The following PDS5A variants were observed in gnomAD, a reference collection of about 807,000 sequenced individuals.
The protein encoded by PDS5A is sister chromatid cohesion protein PDS5 homolog A.
In PDS5A, 42 loss-of-function variants were observed where a neutral mutation model predicts 167.1. The ratio of observed to expected loss-of-function variants is 0.25; its 90% confidence interval spans 0.20 to 0.33. The LOEUF is 0.33. Ranked by LOEUF, PDS5A falls within the 10% of genes least tolerant of loss-of-function variation. PDS5A has a pLI of 1.00. For missense variants in PDS5A, 1,033 were observed against 1,605.9 expected (o/e 0.64, Z 6.10); for synonymous variants, 553 against 554.6 (o/e 1.00, Z 0.04).
chr4:39,886,099 T>C (rs1176431125), intron 17 of PDS5A, among the ~76,000 whole-genome samples: 1 of 152,260 alleles, frequency 6.6e-6, no homozygotes, highest in Non-Finnish European at 1.5e-5. Context: ...TTGTATGTTC[T>C]TGACACCTCT....
chr4:39,939,478 T>C (rs1727012107), intron 2 of PDS5A, among the ~76,000 whole-genome samples: 1 of 87,882 alleles, frequency 1.1e-5, no homozygotes, highest in African/African-American at 3.2e-5. Flanking sequence ...AAACCTAAAA[T>C]GAAAAAAAAA....
Position 39,873,115 on chromosome 4 carries a change from C to T in PDS5A, c.2307G>A (p.Val769=), listed in dbSNP as rs773921880. The T allele has an allele frequency of 6.6e-7, 1 of 1,517,640 alleles. No homozygotes were observed. Among genetic ancestry groups the T allele is most frequent in the African/African-American group, 1.4e-5 (1 of 73,872 alleles). 94.0% of individuals were successfully genotyped at this position (1,517,640 alleles called of 1,614,324 possible). The change falls in exon 21 of 33, where the codon GTG becomes GTA. Residue 769 remains valine (V), a synonymous_variant. Coordinates refer to ENST00000303538, the MANE Select transcript of PDS5A (RefSeq NM_001100399.2). ...CTAATGGAGTTATAAGTTGTTCTGG[C>T]ACATCAGCATTCAGACTCCTACTGA... ...EPLSRSLNAD[V]PEQLITPLVS...
At chr4:39,829,854 G>A (rs1715669238) in intron 32 of PDS5A, among the ~76,000 whole-genome samples, 1 of 142,372 alleles carries the variant, frequency 7.0e-6, no homozygotes, top group Admixed American at 7.4e-5. Context: ...AGAAGGCTGA[G>A]GCAGGAGAAT....
intron 26 of PDS5A, among the ~76,000 whole-genome samples, chr4:39,855,964 T>C (rs887411914): frequency 6.6e-6 from 1 of 152,118 alleles, no homozygotes; most frequent in Admixed American, 6.5e-5. Flanking sequence ...AAGATGTGAA[T>C]TTATACATCC....
chr4:39,894,068 A>C (rs1399118501), intron 16 of PDS5A, among the ~76,000 whole-genome samples: 2 of 152,240 alleles, frequency 1.3e-5, no homozygotes, highest in Non-Finnish European at 2.9e-5. Flanking sequence ...ATGCCAAAGA[A>C]GTCAATGAAA....
At chr4:39,863,227 T>C (rs1719147586) in intron 24 of PDS5A, 109 bp downstream of exon 24, 1 of 929,988 alleles carries the variant, frequency 1.1e-6, no homozygotes, top group South Asian at 1.7e-5. Flanking sequence ...GTAATAATAG[T>C]AGTGACTTTT....
At chr4:39,876,688 A>G (rs1376349225) in intron 19 of PDS5A, among the ~76,000 whole-genome samples, 1 of 152,234 alleles carries the variant, frequency 6.6e-6, no homozygotes. Flanking sequence ...ATGGATTAGA[A>G]AGACATTAGT....
At chr4:39,936,301 C>T (rs1396305153) in intron 2 of PDS5A, among the ~76,000 whole-genome samples, 4 of 152,142 alleles carry the variant, frequency 2.6e-5, no homozygotes, top group Admixed American at 6.5e-5. Context: ...CCTCCACTTC[C>T]GATGCCAGCC....
At position 39,824,071 on chromosome 4, in the gene PDS5A, G is replaced by A. The variant is rs751919278; in HGVS notation, c.*1414C>T. 5 of 152,208 alleles carry A rather than the reference G, an allele frequency of 3.3e-5. No homozygotes were observed. The highest frequency in any genetic ancestry group is 5.9e-5 in the Non-Finnish European group (4 of 68,048). 9.4% of individuals were successfully genotyped at this position (152,208 alleles called of 1,614,324 possible). On this transcript the variant is annotated 3_prime_UTR_variant, in exon 33 of 33. Transcript: ENST00000303538. ...CACATTCTGCTAGGGCTTTGCGGAT[G>A]ACCCTACAGTGGACAGTGGGGGCAG...
chr4:39,932,924 T>C (rs146255058), intron 2 of PDS5A: 5,080 of 150,978 alleles, frequency 0.034, 209 homozygotes, highest in East Asian at 0.23. Context: ...TCCCAGCACT[T>C]TGGGAGGCTG....
intron 2 of PDS5A, among the ~76,000 whole-genome samples, chr4:39,959,340 A>G (rs1374820024): frequency 6.6e-6 from 1 of 152,100 alleles, no homozygotes; most frequent in East Asian, 1.9e-4. Flanking sequence ...CAAGCTAAAA[A>G]TGTTTAATCT....
intron 23 of PDS5A, among the ~76,000 whole-genome samples, chr4:39,865,287 C>T (rs552146200): frequency 2.0e-5 from 3 of 152,312 alleles, no homozygotes; most frequent in African/African-American, 7.2e-5. Flanking sequence ...CTTGTAAGAG[C>T]TCATTATTAT....
chr4:39,903,465 A>G (rs532032233), intron 12 of PDS5A, among the ~76,000 whole-genome samples: 19 of 152,380 alleles, frequency 1.2e-4, no homozygotes, highest in African/African-American at 4.6e-4. Flanking sequence ...AATGGAAACT[A>G]TTCTGCACAC....
intron 23 of PDS5A, among the ~76,000 whole-genome samples, chr4:39,865,701 A>AT (rs1276407911): frequency 3.9e-5 from 6 of 152,184 alleles, no homozygotes; most frequent in Admixed American, 1.3e-4. Context: ...AAATTTCTAT[A>AT]TTTTTAGTAG....
chr4:39,896,995 A>G (rs1209588560), intron 16 of PDS5A, among the ~76,000 whole-genome samples: 2 of 151,968 alleles, frequency 1.3e-5, no homozygotes, highest in African/African-American at 2.4e-5. Flanking sequence ...GTAGTTTGCT[A>G]CACCCATCAC....
rs56713292 is a variant in PDS5A, at chr4:39,920,013, T to G, written c.735+306A>C. Among the ~76,000 whole-genome samples the G allele has an allele frequency of 8.5e-3, 1,264 of 148,302 alleles. 9 individuals carry two copies. The highest frequency in any genetic ancestry group is 0.012 in the Non-Finnish European group (837 of 67,132). ...CAAAAGAAACAAAGAAAAAAATATA[T>G]AGAGAGAGACACAGAGACCCAAGGA... On this transcript the variant is annotated intron_variant, in intron 7 of 32. Transcript: ENST00000303538.
chr4:39,943,367 C>G (rs779648697), intron 2 of PDS5A, among the ~76,000 whole-genome samples: 5 of 152,036 alleles, frequency 3.3e-5, no homozygotes, highest in Non-Finnish European at 5.9e-5. Context: ...TATATTTAGT[C>G]AAGGTTAGCA....
At chr4:39,898,253 A>C (rs927267451) in intron 16 of PDS5A, 136 bp downstream of exon 16, 28 of 1,324,838 alleles carry the variant, frequency 2.1e-5, no homozygotes, top group Non-Finnish European at 2.7e-5. Context: ...ACTTGACAAT[A>C]GATATACTCC....
At chr4:39,872,214 T>C (rs1282304479) in intron 21 of PDS5A, among the ~76,000 whole-genome samples, 2 of 149,636 alleles carry the variant, frequency 1.3e-5, no homozygotes, top group African/African-American at 2.5e-5. Context: ...TTCGCTCTTG[T>C]TGTCCAGGCT....
Sources: allele counts gnomAD v4.1 joint callset (sites outside exome capture counted in the v4.1 genomes callset), GRCh38; gene constraint gnomAD v4.1.1; transcripts MANE v1.5; gene names NCBI Gene and HGNC (gene_info 2026-07-23, HGNC 2026-07-21).